Variants in PPP1R12A observed in about 807,000 individuals in gnomAD.
The protein encoded by PPP1R12A is protein phosphatase 1 regulatory subunit 12A.
In PPP1R12A, 19 loss-of-function variants were observed where a neutral mutation model predicts 139.6. The ratio of observed to expected loss-of-function variants is 0.14; its 90% CI spans 0.09 to 0.20. The LOEUF (loss-of-function observed/expected upper bound fraction) is 0.20, where lower values mean the gene tolerates loss of function less well. Among genes scored for constraint, PPP1R12A ranks in the 10% least tolerant of loss-of-function variants. PPP1R12A has a pLI of 1.00. For synonymous variants in PPP1R12A, 427 were observed against 420.6 expected (o/e 1.02, Z -0.19); for missense variants, 925 against 1,211.5 (o/e 0.76, Z 3.51).
intron 2 of PPP1R12A, among the ~76,000 whole-genome samples, chr12:79,867,920 G>A (rs1337097220): frequency 6.6e-6 from 1 of 152,070 alleles, no homozygotes; most frequent in East Asian, 1.9e-4. Context: ...TAAGTTTCCT[G>A]AGGCCTCCCC....
chr12:79,879,729 G>A (rs1883451013), intron 1 of PPP1R12A, among the ~76,000 whole-genome samples: 1 of 152,150 alleles, frequency 6.6e-6, no homozygotes, highest in Admixed American at 6.5e-5. Flanking sequence ...AGGGACACAA[G>A]GGGGCTTTCC....
chr12:79,844,296 G>A (rs1028824217), intron 3 of PPP1R12A, among the ~76,000 whole-genome samples: 7 of 152,014 alleles, frequency 4.6e-5, no homozygotes, highest in South Asian at 4.1e-4. Flanking sequence ...TATCTAACAC[G>A]CAAAACAAAT....
chr12:79,814,174 T>C (rs370556578), intron 9 of PPP1R12A, among the ~76,000 whole-genome samples: 6 of 152,178 alleles, frequency 3.9e-5, no homozygotes, highest in African/African-American at 1.4e-4. Context: ...TCATACAGTA[T>C]TGATAAGAAG....
At chr12:79,875,474 T>A (rs1883010668) in intron 1 of PPP1R12A, among the ~76,000 whole-genome samples, 1 of 152,102 alleles carries the variant, frequency 6.6e-6, no homozygotes, top group Admixed American at 6.5e-5. Flanking sequence ...CTAATGTGGG[T>A]AAAACCCAGT....
chr12:79,892,949 CA>C (rs1884796304), intron 1 of PPP1R12A, among the ~76,000 whole-genome samples: 1 of 151,896 alleles, frequency 6.6e-6, no homozygotes, highest in Admixed American at 6.6e-5. Context: ...ACTAAAAATA[CA>C]AAAATTAGCT....
chr12:79,798,584 T>A lies in PPP1R12A; in HGVS notation c.2001A>T (p.Arg667Ser). 6.5e-7 allele frequency: 1 copy of A among 1,528,414 alleles called. No individual in the cohort carries two copies. The highest frequency in any genetic ancestry group is 8.9e-7 in the Non-Finnish European group (1 of 1,126,724). The allele number at this position is 1,528,414 out of a possible 1,614,324, so 94.7% of individuals were successfully genotyped here. A position where few individuals can be genotyped will look rare whatever the true frequency, so the allele number is the denominator to read the frequency against. The change falls in exon 15 of 25, where the codon AGA (arginine) becomes AGT (serine). Residue 667 changes from arginine to serine, a missense_variant and splice_region_variant. Physicochemically the swap from Arg to Ser is moderately radical, Grantham distance 110. This residue lies in a region of PPP1R12A where 403 missense variants were observed against 463.7 expected (regional missense o/e 0.87). Transcript: ENST00000450142. ...CATCCCTAACAGGAGTGAGGTATGATCTACAGTAGTAAATTGAAAAATCGT... is the reference window on the plus strand; with the variant it reads ...CATCCCTAACAGGAGTGAGGTATGAACTACAGTAGTAAATTGAAAAATCGT... ...SSTTEVRERR[R>S]SYLTPVRDEE...
intron 1 of PPP1R12A, chr12:79,913,994 A>C (rs1886799805): frequency 6.6e-6 from 1 of 152,178 alleles, no homozygotes; most frequent in South Asian, 2.1e-4. Flanking sequence ...CTTAATTAAG[A>C]CATTTAAAAA....
At chr12:79,842,290 A>G (rs1472323111) in intron 3 of PPP1R12A, among the ~76,000 whole-genome samples, 1 of 152,224 alleles carries the variant, frequency 6.6e-6, no homozygotes, top group Non-Finnish European at 1.5e-5. Flanking sequence ...ACTGCACTCC[A>G]GTCTGTCTCA....
chr12:79,799,420 G>GA (rs1200301920), intron 14 of PPP1R12A, among the ~76,000 whole-genome samples: 1 of 152,172 alleles, frequency 6.6e-6, no homozygotes, highest in Non-Finnish European at 1.5e-5. Flanking sequence ...AGGGTGTTGG[G>GA]ATTAAAGGCG....
chr12:79,912,414 A>G (rs1450619505), intron 1 of PPP1R12A, among the ~76,000 whole-genome samples: 1 of 152,194 alleles, frequency 6.6e-6, no homozygotes, highest in Non-Finnish European at 1.5e-5. Context: ...AAACACTGCC[A>G]GGCATGGTGA....
At chr12:79,898,526 T>C (rs1885338959) in intron 1 of PPP1R12A, among the ~76,000 whole-genome samples, 1 of 152,198 alleles carries the variant, frequency 6.6e-6, no homozygotes, top group African/African-American at 2.4e-5. Context: ...ACGGCTATTA[T>C]CTAAAGATTT....
At chr12:79,868,080 C>G (rs894076543) in intron 2 of PPP1R12A, among the ~76,000 whole-genome samples, 4 of 152,136 alleles carry the variant, frequency 2.6e-5, no homozygotes, top group Non-Finnish European at 4.4e-5. Context: ...AATATTCCAA[C>G]TAATAAATAA....
intron 2 of PPP1R12A, among the ~76,000 whole-genome samples, chr12:79,867,378 T>G (rs527913028): frequency 7.2e-5 from 11 of 152,248 alleles, no homozygotes; most frequent in African/African-American, 2.6e-4. Context: ...GGTGATGGGT[T>G]GATGGGTGTG....
At chr12:79,902,998 G>A (rs534275097) in intron 1 of PPP1R12A, among the ~76,000 whole-genome samples, 87 of 152,120 alleles carry the variant, frequency 5.7e-4, no homozygotes, top group South Asian at 1.4e-3. Context: ...ACACGTGTAC[G>A]TGTAAGAAAA....
Position 79,809,982 on chromosome 12 carries a change from G to A in PPP1R12A, c.1268C>T (p.Pro423Leu). 6.2e-7 allele frequency: 1 copy of A among 1,612,080 alleles called. No homozygotes were observed. Residue 423 changes from proline (P) to leucine (L), a missense_variant, in exon 10 of 25, where the codon CCC (proline) becomes CTC (leucine). Around this residue, in one of 4 missense-constraint regions of PPP1R12A, gnomAD observed 403 missense variants for 463.7 expected, o/e 0.87. Coordinates refer to ENST00000450142, the MANE Select transcript of PPP1R12A (RefSeq NM_002480.3). ...KFPTTATKIS[P>L]KEEERKDESP... ...CTCATCTTTTCTCTCTTCTTCTTTGGGAGAAATTTTTGTAGCTGTGGTTGG... is the reference window on the plus strand; with the variant it reads ...CTCATCTTTTCTCTCTTCTTCTTTGAGAGAAATTTTTGTAGCTGTGGTTGG...
At chr12:79,780,397 A>G (rs1284621832) in intron 23 of PPP1R12A, 1 of 152,062 alleles carries the variant, frequency 6.6e-6, no homozygotes, top group Non-Finnish European at 1.5e-5. Context: ...GCATTTGACA[A>G]GCAGAAAAAG....
chr12:79,886,694 G>A (rs1884135523), intron 1 of PPP1R12A, among the ~76,000 whole-genome samples: 1 of 151,844 alleles, frequency 6.6e-6, no homozygotes, highest in Non-Finnish European at 1.5e-5. Flanking sequence ...AAAATCTGAC[G>A]AAAACAATTC....
chr12:79,781,892 A>G (rs1021275436), intron 22 of PPP1R12A, 30 bp from the exon 23 acceptor site: 12 of 1,458,366 alleles, frequency 8.2e-6, no homozygotes, highest in East Asian at 2.5e-5. Flanking sequence ...TATAAAAGAG[A>G]TAAGTGCAAA....
At chr12:79,788,044 T>C (rs1871337136) in intron 21 of PPP1R12A, 1 of 152,346 alleles carries the variant, frequency 6.6e-6, no homozygotes, top group African/African-American at 2.4e-5. Flanking sequence ...AAATGATGAA[T>C]CTTACTCATA....
Sources: gnomAD v4.1 joint callset for allele counts (sites outside exome capture counted in the v4.1 genomes callset) on GRCh38, gnomAD v4.1.1 for gene constraint, gnomAD v4.1.1 regional missense constraint, MANE v1.5 for transcripts, NCBI Gene and HGNC (gene_info 2026-07-23, HGNC 2026-07-21) for gene names.